NPEPPS: variants seen among roughly 807,000 people sequenced by gnomAD.
NPEPPS encodes aminopeptidase puromycin sensitive.
NPEPPS carries 14 observed loss-of-function variants against 115.5 expected under a neutral mutation model. That is an observed-to-expected ratio of 0.12 (90% confidence interval 0.08 to 0.19). The LOEUF (loss-of-function observed/expected upper bound fraction) is 0.19. NPEPPS is among the 10% of genes least tolerant of loss of function. NPEPPS has a pLI of 1.00. For synonymous variants in NPEPPS, 285 were observed against 390.6 expected, an observed-to-expected ratio of 0.73 and a Z score of 3.19; for missense variants, 523 against 1,110.8, an observed-to-expected ratio of 0.47 and a Z score of 7.52.
intron 2 of NPEPPS, among the ~76,000 whole-genome samples, chr17:47,559,047 GAAAA>G (rs200447312): frequency 2.3e-5 from 3 of 130,138 alleles, no homozygotes; most frequent in Non-Finnish European, 5.1e-5. Context: ...CAAAAAAGAG[GAAAA>G]AAAAAAAAAA....
chr17:47,554,888 A>G (rs1909897459), intron 2 of NPEPPS, among the ~76,000 whole-genome samples: 1 of 152,226 alleles, frequency 6.6e-6, no homozygotes, highest in Non-Finnish European at 1.5e-5. Context: ...GAAAGGGATG[A>G]TTTATGTTCT....
chr17:47,557,692 G>C lies in NPEPPS; in HGVS notation c.340+11699G>C, dbSNP rs1342177636. Among the ~76,000 whole-genome samples the C allele has an allele frequency of 9.2e-4, 137 of 149,108 alleles. 2 individuals carry two copies. Among genetic ancestry groups the C allele is most frequent in the African/African-American group, 3.0e-3 (124 of 41,352 alleles). On this transcript the variant is annotated intron_variant, in intron 2 of 22. Coordinates refer to ENST00000322157, the MANE Select transcript of NPEPPS (RefSeq NM_006310.4). ...TTTGGGGGAAATTCTCCAGGCAGTA[G>C]TTATGGCTGTTGTTGCTTGCTGCTG...
intron 2 of NPEPPS, among the ~76,000 whole-genome samples, chr17:47,550,827 A>C (rs1597827516): frequency 6.6e-6 from 1 of 151,866 alleles, no homozygotes; most frequent in Admixed American, 6.6e-5. Flanking sequence ...GGGTTTCACC[A>C]TGTTGGCCAG....
intron 12 of NPEPPS, among the ~76,000 whole-genome samples, chr17:47,593,524 C>T (rs1207311039): frequency 6.6e-6 from 1 of 152,026 alleles, no homozygotes; most frequent in African/African-American, 2.4e-5. Flanking sequence ...GGCACCACTG[C>T]ACTCCAGCCT....
intron 2 of NPEPPS, among the ~76,000 whole-genome samples, chr17:47,568,750 G>A (rs1910997472): frequency 1.3e-5 from 2 of 152,068 alleles, no homozygotes. Flanking sequence ...CCGCCTCCCG[G>A]GTTCAAGCGA....
chr17:47,620,596 T>C (rs758091919), intron 22 of NPEPPS, among the ~76,000 whole-genome samples: 1 of 152,192 alleles, frequency 6.6e-6, no homozygotes, highest in African/African-American at 2.4e-5. Context: ...TGCGATGGAA[T>C]GGAAAAAGAC....
chr17:47,592,314 A>G (rs562513681), intron 11 of NPEPPS, among the ~76,000 whole-genome samples, 171 bp from the exon 12 acceptor site: 3 of 152,312 alleles, frequency 2.0e-5, no homozygotes, highest in African/African-American at 7.2e-5. Context: ...AATAGAAGGC[A>G]TAGAGTACGC....
intron 1 of NPEPPS, among the ~76,000 whole-genome samples, chr17:47,538,121 G>A (rs908665416): frequency 6.6e-6 from 1 of 150,708 alleles, no homozygotes; most frequent in Non-Finnish European, 1.5e-5. Context: ...TTGAACTCCT[G>A]ACCTCAGGTG....
At chr17:47,605,633 C>A (rs973614247) in intron 17 of NPEPPS, 81 bp downstream of exon 17, 1 of 850,420 alleles carries the variant, frequency 1.2e-6, no homozygotes, top group Non-Finnish European at 1.9e-6. Context: ...TTAATATCAT[C>A]TTTGTATCTA....
At chr17:47,550,509 C>T (rs1301344419) in intron 2 of NPEPPS, among the ~76,000 whole-genome samples, 2 of 149,170 alleles carry the variant, frequency 1.3e-5, no homozygotes, top group African/African-American at 2.5e-5. Context: ...GTTATGTACC[C>T]TTTTCTCTTT....
intron 19 of NPEPPS, among the ~76,000 whole-genome samples, chr17:47,614,864 C>T (rs1379554303): frequency 1.3e-5 from 2 of 152,162 alleles, no homozygotes; most frequent in African/African-American, 4.8e-5. Context: ...CATGGATTAA[C>T]AACACTCTTC....
intron 22 of NPEPPS, among the ~76,000 whole-genome samples, chr17:47,621,016 C>T (rs1914531497): frequency 6.6e-6 from 1 of 151,824 alleles, no homozygotes; most frequent in Non-Finnish European, 1.5e-5. Context: ...GACCCCATCT[C>T]TACAAAAAGG....
chr17:47,591,561 A>G (rs1169316312), intron 10 of NPEPPS, among the ~76,000 whole-genome samples: 1 of 152,212 alleles, frequency 6.6e-6, no homozygotes, highest in African/African-American at 2.4e-5. Flanking sequence ...CTAAAGAACT[A>G]GAGTTATAAT....
intron 2 of NPEPPS, among the ~76,000 whole-genome samples, chr17:47,554,789 G>C (rs573935867): frequency 4.5e-4 from 69 of 152,264 alleles, no homozygotes; most frequent in African/African-American, 1.6e-3. Context: ...CAAGCCTTGT[G>C]ATACATTGAC....
chr17:47,544,164 G>A (rs1392221349), intron 1 of NPEPPS, among the ~76,000 whole-genome samples: 1 of 152,140 alleles, frequency 6.6e-6, no homozygotes, highest in African/African-American at 2.4e-5. Flanking sequence ...AAAGTGCTGG[G>A]ATTACAGGCG....
intron 2 of NPEPPS, among the ~76,000 whole-genome samples, chr17:47,568,079 CTG>C (rs1348400228): frequency 1.3e-5 from 2 of 152,070 alleles, no homozygotes; most frequent in African/African-American, 4.8e-5. Context: ...AATTGCCAAA[CTG>C]TTTTCCAAAA....
chr17:47,603,946 C>T lies in NPEPPS; in HGVS notation c.1772C>T (p.Thr591Ile). ...TTAGGAACAGTTGGGTTTTATCGGA[C>T]CCAGTACAGCTCTGCCATGCTGGAA... ...LNLGTVGFYR[T>I]QYSSAMLESL... Residue 591 changes from threonine to isoleucine, a missense_variant, in exon 16 of 23, where the codon ACC becomes ATC. This residue lies in a region of NPEPPS where 372 missense variants were observed against 542.6 expected (regional missense o/e 0.69). Transcript: ENST00000322157. 6.2e-7 allele frequency: 1 copy of T among 1,612,982 alleles called. No individual in the cohort carries two copies. The highest frequency in any genetic ancestry group is 8.5e-7 in the Non-Finnish European group (1 of 1,179,384).
At position 47,622,072 on chromosome 17, in the gene NPEPPS, A is replaced by G. The variant is rs1218964605; in HGVS notation, c.*152A>G. 2 of 1,271,000 alleles carry G rather than the reference A, an allele frequency of 1.6e-6. No homozygotes were observed. The highest frequency in any genetic ancestry group is 2.0e-6 in the Non-Finnish European group (2 of 1,006,638). 78.7% of individuals were successfully genotyped at this position (1,271,000 alleles called of 1,614,324 possible). ...ATGTAGTTAACTGGTTCCTGCTCAC[A>G]CTCCAGAATTAAATTCTATTGAAAA... On this transcript the variant is annotated 3_prime_UTR_variant, in exon 23 of 23. Coordinates refer to ENST00000322157, the MANE Select transcript of NPEPPS (RefSeq NM_006310.4).
intron 15 of NPEPPS, chr17:47,603,695 C>T (rs979060770): frequency 3.3e-5 from 14 of 419,252 alleles, no homozygotes; most frequent in Non-Finnish European, 5.9e-5. Context: ...TCTACTGTCC[C>T]TCACTTTGGC....
Sources: gnomAD v4.1 joint callset for allele counts (sites outside exome capture counted in the v4.1 genomes callset) on GRCh38, gnomAD v4.1.1 for gene constraint, gnomAD v4.1.1 regional missense constraint, MANE v1.5 for transcripts, NCBI Gene and HGNC (gene_info 2026-07-23, HGNC 2026-07-21) for gene names.